Variants in UBR3 observed in about 807,000 individuals in gnomAD.
UBR3 encodes ubiquitin protein ligase E3 component n-recognin 3.
A neutral mutation model predicts 243.2 loss-of-function variants in UBR3; 85 were observed. That is an observed-to-expected ratio of 0.35 (90% CI 0.29 to 0.42). The LOEUF is 0.42. UBR3 is among the 10% of genes least tolerant of loss of function. The probability of loss-of-function intolerance (pLI) is 1.00; values close to 1 mark genes in which losing one functional copy is unlikely to be tolerated. For missense variants in UBR3, 1,686 were observed against 2,300.8 expected (o/e 0.73, Z 5.47); for synonymous variants, 748 against 799.8 (o/e 0.94, Z 1.09).
intron 8 of UBR3, 31 bp from the exon 9 acceptor site, chr2:169,905,082 GA>G: frequency 7.0e-7 from 1 of 1,421,898 alleles, no homozygotes; most frequent in Non-Finnish European, 9.2e-7. Context: ...AAAATCTTAT[GA>G]AATTTTTGGG....
chr2:170,066,575 A>G (rs2091572409), intron 35 of UBR3, among the ~76,000 whole-genome samples: 1 of 152,200 alleles, frequency 6.6e-6, no homozygotes. Flanking sequence ...TCTTCTGTCA[A>G]AATAATTTTC....
chr2:169,928,142 A>T (rs1039390324), intron 17 of UBR3, among the ~76,000 whole-genome samples: 1 of 152,184 alleles, frequency 6.6e-6, no homozygotes, highest in African/African-American at 2.4e-5. Context: ...ATACTGTCTG[A>T]TGATTTCCTT....
Position 169,948,752 on chromosome 2 carries a change from A to T in UBR3, c.3085-853A>T, listed in dbSNP as rs1247184960. 2.6e-5 allele frequency among the ~76,000 whole-genome samples: 4 copies of T among 152,026 alleles called. No individual in the cohort carries two copies. The East Asian group carries it at 7.7e-4, about 29-fold the overall frequency. On this transcript the variant is annotated intron_variant, in intron 22 of 38. Coordinates refer to ENST00000272793, the MANE Select transcript of UBR3 (RefSeq NM_172070.4). ...CATTTAACTCACAAAAGCTCAACTGATATTACAGCATCCTTTCTATGCTCG... is the reference window on the plus strand; with the variant it reads ...CATTTAACTCACAAAAGCTCAACTGTTATTACAGCATCCTTTCTATGCTCG...
At chr2:170,043,828 A>T (rs550626762) in intron 32 of UBR3, among the ~76,000 whole-genome samples, 1 of 152,302 alleles carries the variant, frequency 6.6e-6, no homozygotes, top group African/African-American at 2.4e-5. Flanking sequence ...ATTTCTTAAA[A>T]TTTTACAATA....
At chr2:170,032,336 T>C (rs2090694825) in intron 31 of UBR3, among the ~76,000 whole-genome samples, 1 of 152,068 alleles carries the variant, frequency 6.6e-6, no homozygotes, top group African/African-American at 2.4e-5. Flanking sequence ...AAAGGAACAC[T>C]GGGGGAATCA....
chr2:170,035,417 A>G (rs2090797806), intron 31 of UBR3, among the ~76,000 whole-genome samples: 1 of 151,966 alleles, frequency 6.6e-6, no homozygotes, highest in Non-Finnish European at 1.5e-5. Flanking sequence ...TGTTGAAAAG[A>G]CTGTGTTTTT....
chr2:170,067,583 G>A (rs868674050), intron 35 of UBR3, among the ~76,000 whole-genome samples: 6 of 151,910 alleles, frequency 3.9e-5, no homozygotes, highest in South Asian at 4.2e-4. Flanking sequence ...ATGGAATATC[G>A]TTCATTAGAA....
At chr2:169,845,525 GTCGTCGTCTTCT>G (rs1322089980) in intron 1 of UBR3, among the ~76,000 whole-genome samples, 4 of 121,544 alleles carry the variant, frequency 3.3e-5, no homozygotes, top group Non-Finnish European at 3.7e-5. Flanking sequence ...CGTCGTCGTC[GTCGTCGTCTTCT>G]TCTTCTTCTT....
chr2:170,048,693 A>G (rs746949903), intron 32 of UBR3, among the ~76,000 whole-genome samples: 1 of 152,218 alleles, frequency 6.6e-6, no homozygotes, highest in Non-Finnish European at 1.5e-5. Context: ...CAATTTGGAT[A>G]CGCCAAAGAG....
chr2:169,875,460 C>T (rs1029150579), intron 2 of UBR3, among the ~76,000 whole-genome samples: 4 of 152,148 alleles, frequency 2.6e-5, no homozygotes, highest in African/African-American at 9.7e-5. Flanking sequence ...TCCTGAGTAG[C>T]TGGGACTACA....
intron 36 of UBR3, chr2:170,077,950 T>C (rs1346444151): frequency 1.8e-6 from 1 of 560,744 alleles, no homozygotes; most frequent in Admixed American, 2.5e-5. Flanking sequence ...CAGAGGGACT[T>C]TCCATTTTCC....
chr2:169,869,717 G>A (rs2083377963), intron 1 of UBR3, among the ~76,000 whole-genome samples: 9 of 151,886 alleles, frequency 5.9e-5, no homozygotes, highest in Admixed American at 5.9e-4. Flanking sequence ...TCACAAAATG[G>A]TTTCTCCAGT....
intron 24 of UBR3, among the ~76,000 whole-genome samples, chr2:169,985,461 C>G (rs1449753325): frequency 6.6e-6 from 1 of 151,956 alleles, no homozygotes; most frequent in African/African-American, 2.4e-5. Context: ...AAACTCCTGA[C>G]CTCAGGTGAT....
chr2:169,946,119 G>C (rs991317289), intron 20 of UBR3, among the ~76,000 whole-genome samples, 169 bp from the exon 21 acceptor site: 1 of 151,814 alleles, frequency 6.6e-6, no homozygotes, highest in South Asian at 2.1e-4. Flanking sequence ...ACTTATATTC[G>C]TATGAATTTT....
At chr2:169,911,302 T>A (rs2085245111) in intron 10 of UBR3, among the ~76,000 whole-genome samples, 2 of 152,098 alleles carry the variant, frequency 1.3e-5, no homozygotes, top group Non-Finnish European at 2.9e-5. Flanking sequence ...ACTACAGACT[T>A]GATAGAAGAT....
intron 1 of UBR3, among the ~76,000 whole-genome samples, chr2:169,859,604 A>T (rs2083015794): frequency 6.6e-6 from 1 of 151,634 alleles, no homozygotes; most frequent in African/African-American, 2.4e-5. Flanking sequence ...ATTTTGGATA[A>T]TTTTTATTGC....
chr2:170,060,393 G>A (rs1214310428), intron 33 of UBR3, among the ~76,000 whole-genome samples: 1 of 151,934 alleles, frequency 6.6e-6, no homozygotes, highest in Non-Finnish European at 1.5e-5. Flanking sequence ...GTCATTATCT[G>A]AATATTCTGT....
intron 1 of UBR3, among the ~76,000 whole-genome samples, chr2:169,856,366 G>C (rs1437897489): frequency 6.6e-6 from 1 of 151,810 alleles, no homozygotes; most frequent in Non-Finnish European, 1.5e-5. Context: ...GCCGGGCAGA[G>C]GGGCTCCTCA....
intron 24 of UBR3, among the ~76,000 whole-genome samples, chr2:169,984,596 T>A (rs1301032868): frequency 6.6e-6 from 1 of 152,222 alleles, no homozygotes; most frequent in Non-Finnish European, 1.5e-5. Context: ...TAATCACATT[T>A]AAATACAGCA....
Sources: allele counts gnomAD v4.1 joint callset (sites outside exome capture counted in the v4.1 genomes callset), GRCh38; gene constraint gnomAD v4.1.1; transcripts MANE v1.5; gene names NCBI Gene and HGNC (gene_info 2026-07-23, HGNC 2026-07-21).